SNX29: variants seen among roughly 807,000 people sequenced by gnomAD.
SNX29 encodes sorting nexin 29.
A neutral mutation model predicts 102.1 loss-of-function variants in SNX29; 78 were observed. The ratio of observed to expected loss-of-function variants is 0.76; its 90% confidence interval spans 0.64 to 0.92. SNX29 has a LOEUF of 0.92. Ranked by LOEUF, SNX29 falls within the 40% of genes least tolerant of loss-of-function variation. The pLI, the probability that SNX29 is intolerant of heterozygous loss-of-function variation, is 0.00. For missense variants in SNX29, 1,280 were observed against 1,061.7 expected (o/e 1.21, Z -2.86); for synonymous variants, 580 against 414.5 (o/e 1.40, Z -4.85).
Position 12,568,610 on chromosome 16 carries a change from C to A in SNX29, c.2423C>A (p.Pro808His), listed in dbSNP as rs770701401. Residue 808 changes from proline (P) to histidine (H), a missense_variant, in exon 21 of 21, where the codon CCC becomes CAC. Coordinates refer to ENST00000566228, the MANE Select transcript of SNX29 (RefSeq NM_032167.5). ...GQPRETRNVE[P>H]QSGDL is the part of the protein sequence containing the mutation. ...CCCCGGGAGACCCGCAACGTGGAGC[C>A]CCAGAGCGGTGACCTCTGACCTCGA... is the stretch of plus-strand genomic sequence containing the variant. 1.2e-6 allele frequency: 2 copies of A among 1,604,494 alleles called. No homozygotes were observed. The highest frequency in any genetic ancestry group is 1.7e-6 in the Non-Finnish European group (2 of 1,179,822).
intron 20 of SNX29, among the ~76,000 whole-genome samples, chr16:12,532,174 T>C (rs1350970895): frequency 6.6e-6 from 1 of 152,234 alleles, no homozygotes; most frequent in Non-Finnish European, 1.5e-5. Flanking sequence ...CTCTGTCTAC[T>C]GCAAACAATG....
At chr16:12,515,708 C>G (rs1476641665) in intron 19 of SNX29, 1 of 446,970 alleles carries the variant, frequency 2.2e-6, no homozygotes, top group Non-Finnish European at 4.5e-6. Flanking sequence ...GTTGGCTCTA[C>G]TGGATCTAAG....
intron 14 of SNX29, among the ~76,000 whole-genome samples, chr16:12,243,111 G>A (rs2078161567): frequency 1.3e-5 from 2 of 152,246 alleles, no homozygotes; most frequent in African/African-American, 4.8e-5. Flanking sequence ...GTGGCACACA[G>A]CAGAGACACT....
chr16:12,451,930 T>C (rs936613876), intron 18 of SNX29, among the ~76,000 whole-genome samples: 1 of 152,202 alleles, frequency 6.6e-6, no homozygotes, highest in Non-Finnish European at 1.5e-5. Flanking sequence ...AGTTCTCTCT[T>C]TCTTAAAATA....
In SNX29 at chr16:11,988,095, A is replaced by T. The variant is rs147602907; in HGVS notation, c.8-11202A>T. On this transcript the variant is annotated intron_variant, in intron 1 of 20. Transcript: ENST00000566228. Reference sequence around the variant, plus strand: ...GATCACCTGAGGTCAGGAGTTTGAGACCAGCCTGAACAACATGGTGAAACC... The same window carrying T: ...GATCACCTGAGGTCAGGAGTTTGAGTCCAGCCTGAACAACATGGTGAAACC... 2.4e-3 allele frequency among the ~76,000 whole-genome samples: 368 copies of T among 152,214 alleles called. 2 individuals carry two copies. Among genetic ancestry groups the T allele is most frequent in the African/African-American group, 8.4e-3 (348 of 41,532 alleles).
intron 14 of SNX29, among the ~76,000 whole-genome samples, chr16:12,263,410 G>A (rs935635935): frequency 2.0e-5 from 3 of 152,298 alleles, no homozygotes; most frequent in Admixed American, 2.0e-4. Flanking sequence ...TTACAGGTGT[G>A]AGCCACCGTG....
At chr16:12,539,261 ATTTCC>A (rs2077216371) in intron 20 of SNX29, among the ~76,000 whole-genome samples, 1 of 151,952 alleles carries the variant, frequency 6.6e-6, no homozygotes, top group South Asian at 2.1e-4. Flanking sequence ...TTTTCCCCTC[ATTTCC>A]TTTCTAGCTG....
chr16:12,102,484 T>C (rs865776793), intron 11 of SNX29, among the ~76,000 whole-genome samples: 7 of 152,346 alleles, frequency 4.6e-5, no homozygotes, highest in Middle Eastern at 6.8e-3. Context: ...TGGTATCTCA[T>C]TGTGGTTTTG....
At chr16:12,183,771 G>T (rs1049290722) in intron 13 of SNX29, among the ~76,000 whole-genome samples, 4 of 152,178 alleles carry the variant, frequency 2.6e-5, no homozygotes, top group African/African-American at 9.7e-5. Context: ...CAAGATACAG[G>T]TCCCAAAGAC....
At chr16:12,240,561 T>C (rs999529213) in intron 14 of SNX29, among the ~76,000 whole-genome samples, 1 of 145,424 alleles carries the variant, frequency 6.9e-6, no homozygotes, top group African/African-American at 2.5e-5. Context: ...TTCTTACTTA[T>C]AAAATAGCAT....
At chr16:12,547,386 T>C (rs896652988) in intron 20 of SNX29, among the ~76,000 whole-genome samples, 3 of 152,140 alleles carry the variant, frequency 2.0e-5, no homozygotes, top group South Asian at 4.1e-4. Flanking sequence ...AGAGCTTTGT[T>C]ATGGGTGATA....
intron 13 of SNX29, among the ~76,000 whole-genome samples, chr16:12,175,097 G>A (rs187184472): frequency 1.4e-4 from 22 of 152,254 alleles, no homozygotes; most frequent in African/African-American, 5.3e-4. Context: ...GGATTATTCT[G>A]TTTTTAGGGT....
At chr16:12,249,259 C>T (rs2078352258) in intron 14 of SNX29, among the ~76,000 whole-genome samples, 1 of 152,182 alleles carries the variant, frequency 6.6e-6, no homozygotes, top group African/African-American at 2.4e-5. Context: ...TGTCTGGGTC[C>T]TTGGCTCTGG....
chr16:12,235,322 C>T (rs1021507313), intron 14 of SNX29, among the ~76,000 whole-genome samples: 5 of 152,250 alleles, frequency 3.3e-5, no homozygotes, highest in South Asian at 2.1e-4. Context: ...CCAGGCATCC[C>T]GCAGTGCTCG....
chr16:12,533,782 G>A (rs1386335251), intron 20 of SNX29, among the ~76,000 whole-genome samples: 1 of 152,158 alleles, frequency 6.6e-6, no homozygotes, highest in East Asian at 1.9e-4. Context: ...GGAGTGGTGT[G>A]GAGTGCAGCT....
At chr16:12,163,261 G>T (rs546875674) in intron 13 of SNX29, among the ~76,000 whole-genome samples, 2 of 152,222 alleles carry the variant, frequency 1.3e-5, no homozygotes, top group East Asian at 3.8e-4. Context: ...TGAGAAAGGC[G>T]GGACTGGCCT....
rs755988799 is a variant in SNX29, at chr16:12,568,493, C to G, written c.2319-13C>G. 1.2e-6 allele frequency: 2 copies of G among 1,609,210 alleles called. No homozygotes were observed. Among genetic ancestry groups the G allele is most frequent in the Non-Finnish European group, 1.7e-6 (2 of 1,179,800 alleles). On this transcript the variant is annotated splice_polypyrimidine_tract_variant and intron_variant, in intron 20 of 20. Coordinates refer to ENST00000566228, the MANE Select transcript of SNX29 (RefSeq NM_032167.5). ...TCCCCAGACTTAACCCGATTCTCTCCCTGCTCTTTCAGCGACATCACCCCG... is the reference window on the plus strand; with the variant it reads ...TCCCCAGACTTAACCCGATTCTCTCGCTGCTCTTTCAGCGACATCACCCCG...
intron 15 of SNX29, among the ~76,000 whole-genome samples, chr16:12,343,868 G>T (rs925426789): frequency 2.6e-5 from 4 of 152,230 alleles, no homozygotes; most frequent in Admixed American, 6.5e-5. Flanking sequence ...TTCCAGGCCT[G>T]TGCAGGGAGG....
intron 13 of SNX29, among the ~76,000 whole-genome samples, chr16:12,147,373 C>G (rs2055107692): frequency 1.3e-5 from 2 of 152,190 alleles, no homozygotes; most frequent in Admixed American, 6.5e-5. Flanking sequence ...ATAAATATGA[C>G]AGAACTCTTA....
Sources: allele counts gnomAD v4.1 joint callset (sites outside exome capture counted in the v4.1 genomes callset), GRCh38; gene constraint gnomAD v4.1.1; transcripts MANE v1.5; gene names NCBI Gene and HGNC (gene_info 2026-07-23, HGNC 2026-07-21).